The following RNF217 variants were observed in gnomAD, a reference collection of about 807,000 sequenced individuals.
RNF217 encodes the protein ring finger protein 217, also known as E3 ubiquitin-protein ligase RNF217.
In RNF217, 31 loss-of-function variants were observed where a neutral mutation model predicts 57.8. The observed-to-expected ratio is 0.54, with a 90% CI of 0.40 to 0.72. RNF217 has a LOEUF of 0.72. RNF217 is among the 30% of genes least tolerant of loss of function. The probability of loss-of-function intolerance (pLI) is 0.00; values close to 1 mark genes in which losing one functional copy is unlikely to be tolerated. For missense variants in RNF217, 696 were observed against 708.3 expected, an observed-to-expected ratio of 0.98 and a Z score of 0.20; for synonymous variants, 313 against 294.0, an observed-to-expected ratio of 1.06 and a Z score of -0.66.
At chr6:124,971,405 A>C (rs1783752691) in intron 1 of RNF217, 1 of 240,856 alleles carries the variant, frequency 4.2e-6, no homozygotes, top group African/African-American at 2.3e-5. Context: ...ATCAAGAGGA[A>C]TTTGGCTTAG....
intron 1 of RNF217, among the ~76,000 whole-genome samples, chr6:124,966,991 A>C (rs947510129): frequency 6.6e-5 from 10 of 152,250 alleles, no homozygotes; most frequent in African/African-American, 1.9e-4. Context: ...TTTACAGTGC[A>C]GTAGCTGCCA....
At chr6:124,991,188 T>A (rs1056685310) in intron 1 of RNF217, among the ~76,000 whole-genome samples, 2 of 152,210 alleles carry the variant, frequency 1.3e-5, no homozygotes, top group African/African-American at 4.8e-5. Context: ...CCACCCTGTT[T>A]CCTTTCTGAC....
At chr6:124,980,125 TTTTG>T (rs1021193080) in intron 1 of RNF217, among the ~76,000 whole-genome samples, 3 of 152,194 alleles carry the variant, frequency 2.0e-5, no homozygotes, top group Non-Finnish European at 2.9e-5. Flanking sequence ...CGAAGGGATT[TTTTG>T]TTTGTTTGTT....
chr6:125,069,352 A>G (rs188265583), intron 3 of RNF217, among the ~76,000 whole-genome samples: 1 of 152,266 alleles, frequency 6.6e-6, no homozygotes. Context: ...TTTACACCTG[A>G]TAATTACCTC....
intron 3 of RNF217, 53 bp from the exon 4 acceptor site, chr6:125,076,604 T>G (rs866786360): frequency 7.1e-7 from 1 of 1,416,688 alleles, no homozygotes; most frequent in Middle Eastern, 1.8e-4. Context: ...CGATTTTGCT[T>G]TTTAAAAACT....
intron 5 of RNF217, 188 bp from the exon 6 acceptor site, chr6:125,082,676 C>A: frequency 1.4e-6 from 2 of 1,460,196 alleles, no homozygotes; most frequent in Non-Finnish European, 1.9e-6. Flanking sequence ...ACTGAGGGTG[C>A]TAAAGGGGAG....
intron 2 of RNF217, 151 bp downstream of exon 2, chr6:125,045,595 G>T: frequency 1.6e-6 from 1 of 615,164 alleles, no homozygotes; most frequent in South Asian, 2.1e-5. Flanking sequence ...CATATGGTTT[G>T]GGGAGGCTGA....
rs949778902 is a variant in RNF217 at position 124,962,890 on chromosome 6, G to C, written c.346G>C (p.Asp116His). 1 of 1,598,128 alleles carries C rather than the reference G, an allele frequency of 6.3e-7. No individual in the cohort carries two copies. The highest frequency in any genetic ancestry group is 8.5e-7 in the Non-Finnish European group (1 of 1,179,682). The change falls in exon 1 of 6, where the codon GAT becomes CAT. Residue 116 changes from aspartate (D) to histidine (H), a missense_variant. Transcript: ENST00000521654. This position sits in a 1 kb window ranked among gnomAD's most constrained non-coding sequence, Gnocchi z 4.6. ...GGAGGAGGAAGAGGAGGAAGCTGGG[G>C]ATCGAAAAGAGGGAGGGGATGAACA... ...ELEEEEEEAG[D>H]RKEGGDEQQE...
intron 1 of RNF217, among the ~76,000 whole-genome samples, chr6:124,970,384 C>T (rs570859130): frequency 7.8e-4 from 119 of 152,156 alleles, no homozygotes; most frequent in Non-Finnish European, 1.5e-3. Context: ...GAAGTTAGAA[C>T]TGACAGAATG....
At chr6:125,015,122 T>G (rs891213934) in intron 1 of RNF217, among the ~76,000 whole-genome samples, 2 of 152,222 alleles carry the variant, frequency 1.3e-5, no homozygotes, top group African/African-American at 4.8e-5. Context: ...TACCAATGTG[T>G]ATGCTATCTG....
intron 1 of RNF217, among the ~76,000 whole-genome samples, chr6:124,972,570 C>T (rs956974895): frequency 5.3e-5 from 8 of 152,218 alleles, no homozygotes; most frequent in African/African-American, 1.9e-4. Flanking sequence ...AGCTTTCTTT[C>T]TCAACTGTCC....
At chr6:124,995,012 C>T (rs1784695089) in intron 1 of RNF217, among the ~76,000 whole-genome samples, 1 of 152,078 alleles carries the variant, frequency 6.6e-6, no homozygotes, top group Non-Finnish European at 1.5e-5. Flanking sequence ...AAGTATTAAC[C>T]TAAGGATAAT....
At chr6:125,037,656 T>A (rs1382059917) in intron 1 of RNF217, among the ~76,000 whole-genome samples, 5 of 152,072 alleles carry the variant, frequency 3.3e-5, no homozygotes, top group Admixed American at 2.6e-4. Flanking sequence ...CATCAGTGAG[T>A]CTGAAATCAA....
chr6:125,009,382 C>T lies in RNF217; in HGVS notation c.883-35829C>T, dbSNP rs191112595. ...GTGAAGCCCTCTCACAGACATAGAG[C>T]CTGGAAGAGTAGATTTTTTCACTTT... On this transcript the variant is annotated intron_variant, in intron 1 of 5. Transcript: ENST00000521654. 3.6e-5 allele frequency: 26 copies of T among 726,336 alleles called. No homozygotes were observed. The African/African-American group carries it at 4.3e-4, about 12-fold the overall frequency. 45.0% of individuals were successfully genotyped at this position (726,336 alleles called of 1,614,324 possible).
At chr6:125,009,066 CA>C (rs1785316707) in intron 1 of RNF217, 1 of 497,390 alleles carries the variant, frequency 2.0e-6, no homozygotes, top group Non-Finnish European at 3.5e-6. Flanking sequence ...TCATAGAGAA[CA>C]AGGAAGTAGA....
At chr6:125,065,933 A>G (rs573040115) in intron 3 of RNF217, among the ~76,000 whole-genome samples, 66 of 152,274 alleles carry the variant, frequency 4.3e-4, no homozygotes, top group Non-Finnish European at 7.9e-4. Flanking sequence ...CCAACGCAGT[A>G]TGTTCTCTTC....
rs1040726995 is a variant in RNF217 at position 124,963,503 on chromosome 6, C to T, written c.882+77C>T. Reference sequence around the variant, plus strand: ...GAGGTCCTGCTCTCGATCTGATCTCCCTGCTCGCGCGAAGAGGTGACCGAC... The same window carrying T: ...GAGGTCCTGCTCTCGATCTGATCTCTCTGCTCGCGCGAAGAGGTGACCGAC... On this transcript the variant is annotated intron_variant, in intron 1 of 5. Transcript: ENST00000521654. 4.2e-6 allele frequency: 6 copies of T among 1,415,318 alleles called. No individual in the cohort carries two copies. The African/African-American group carries it at 5.8e-5, about 14-fold the overall frequency. 87.7% of individuals were successfully genotyped at this position (1,415,318 alleles called of 1,614,324 possible). A position where few individuals can be genotyped will look rare whatever the true frequency, so the allele number is the denominator to read the frequency against.
chr6:125,008,742 T>TG (rs1471034207), intron 1 of RNF217: 1 of 151,232 alleles, frequency 6.6e-6, no homozygotes, highest in Non-Finnish European at 1.5e-5. Flanking sequence ...GGCTACCTTT[T>TG]TTTTTTTTTT....
At chr6:125,049,010 T>A (rs1787205909) in intron 2 of RNF217, among the ~76,000 whole-genome samples, 2 of 152,080 alleles carry the variant, frequency 1.3e-5, no homozygotes, top group Non-Finnish European at 2.9e-5. Flanking sequence ...TATTTCTGTC[T>A]TCTTCTCCCT....
Sources: allele counts gnomAD v4.1 joint callset (sites outside exome capture counted in the v4.1 genomes callset), GRCh38; gene constraint gnomAD v4.1.1; non-coding constraint Gnocchi (gnomAD v3.1); transcripts MANE v1.5; gene names NCBI Gene and HGNC (gene_info 2026-07-23, HGNC 2026-07-21).